Variants in ANKRD11 observed in about 807,000 individuals in gnomAD.
The protein encoded by ANKRD11 is ankyrin repeat domain-containing protein 11.
Under a neutral mutation model 195.7 loss-of-function variants are expected in ANKRD11, and 17 were observed. The ratio of observed to expected loss-of-function variants is 0.09; its 90% CI spans 0.06 to 0.13. The LOEUF is 0.13. Ranked by LOEUF, ANKRD11 falls within the 10% of genes least tolerant of loss-of-function variation. ANKRD11 has a pLI of 1.00. For missense variants in ANKRD11, 3,735 were observed against 3,566.1 expected (o/e 1.05, Z -1.21); for synonymous variants, 1,953 against 1,528.1 (o/e 1.28, Z -6.49).
At chr16:89,479,936 C>T (rs2057387312) in intron 1 of ANKRD11, among the ~76,000 whole-genome samples, 1 of 146,446 alleles carries the variant, frequency 6.8e-6, no homozygotes, top group Non-Finnish European at 1.5e-5. Flanking sequence ...GAGCGAGACT[C>T]CATCTCAAAA....
rs74033733 is a variant in ANKRD11, at chr16:89,280,045, A to T, written c.6497T>A (p.Met2166Lys). 1 of 1,612,880 alleles carries T rather than the reference A, an allele frequency of 6.2e-7. No homozygotes were observed. Among genetic ancestry groups the T allele is most frequent in the African/African-American group, 1.3e-5 (1 of 75,040 alleles). ...TATGACCCCGGGGGCCCCTGGAGGC[A>T]TCTCTTCTGGAGGAGCAAGACTTTC... ...VEESLAPPEEMPPGAPGVING... is the reference protein window; with the variant it reads ...VEESLAPPEEKPPGAPGVING... Residue 2166 changes from methionine to lysine, a missense_variant, in exon 9 of 13, where the codon ATG becomes AAG. Physicochemically the swap from Met to Lys is moderately conservative, Grantham distance 95 (BLOSUM62 -1). Transcript: ENST00000301030.
intron 2 of ANKRD11, among the ~76,000 whole-genome samples, chr16:89,404,489 T>C (rs1318445947): frequency 1.3e-5 from 2 of 152,252 alleles, no homozygotes; most frequent in African/African-American, 4.8e-5. Context: ...TTTGTTATTC[T>C]GGTGTCCTCC....
intron 2 of ANKRD11, chr16:89,373,441 A>ACGCCAGCAC (rs1282515465): frequency 6.6e-6 from 1 of 152,452 alleles, no homozygotes; most frequent in African/African-American, 2.4e-5. Context: ...CTCTCCAGCC[A>ACGCCAGCAC]CGCCAGCACC....
Position 89,274,804 on chromosome 16 carries a change from C to T in ANKRD11, c.7713+10G>A, listed in dbSNP as rs201416489. On this transcript the variant is annotated intron_variant, in intron 11 of 12. Transcript: ENST00000301030. ...TGGACTCATGGGCCTGGCATGCAGA[C>T]GGGCCCTACCTGGCTCTCCAGGGGC... The T allele has an allele frequency of 2.1e-5, 34 of 1,608,726 alleles. No homozygotes were observed. The highest frequency in any genetic ancestry group is 2.1e-4 in the Middle Eastern group (1 of 4,756).
At position 89,276,043 on chromosome 16, in the gene ANKRD11, C is replaced by T. The variant is rs1393819885; in HGVS notation, c.7471-852G>A. ...ACCACTCCCCACAGGTGGACCCACA[C>T]GGTAATGGCAAGGCGGAGCCGGGTG... On this transcript the variant is annotated intron_variant, in intron 9 of 12. Coordinates refer to ENST00000301030, the MANE Select transcript of ANKRD11 (RefSeq NM_013275.6). Among the ~76,000 whole-genome samples, 4 of 152,208 alleles carry T rather than the reference C, an allele frequency of 2.6e-5. No individual in the cohort carries two copies. The East Asian group carries it at 5.8e-4, about 22-fold the overall frequency.
intron 1 of ANKRD11, among the ~76,000 whole-genome samples, chr16:89,436,977 TC>T: frequency 6.6e-6 from 1 of 152,248 alleles, no homozygotes; most frequent in East Asian, 1.9e-4. Flanking sequence ...CAAAGTAGTT[TC>T]CTTTAAACAA....
chr16:89,366,129 CAAAAAAAAAAAA>C lies in ANKRD11; in HGVS notation c.-59-49063_-59-49052del, dbSNP rs71387689. The stretch of plus-strand genomic sequence containing the variant: ...TGGGTGACAAAGTGAGACTCCATCT[CAAAAAAAAAAAA>C]AAAAAAAAAAGACATGATCTCATTC... On this transcript the variant is annotated intron_variant, in intron 2 of 12. Coordinates refer to ENST00000301030, the MANE Select transcript of ANKRD11 (RefSeq NM_013275.6). Among the ~76,000 whole-genome samples the C allele has an allele frequency of 4.4e-3, 263 of 60,444 alleles. 4 individuals carry two copies. Among genetic ancestry groups the C allele is most frequent in the African/African-American group, 0.014 (232 of 16,144 alleles). 39.7% of individuals were successfully genotyped at this position (60,444 alleles called of 152,430 possible).
At chr16:89,432,944 ATCTCTCTCTCTCTCTCTCTCTCTCTC>A (rs56770747) in intron 1 of ANKRD11, among the ~76,000 whole-genome samples, 3 of 108,650 alleles carry the variant, frequency 2.8e-5, no homozygotes, top group East Asian at 2.8e-4. Flanking sequence ...CAGAGACCCT[ATCTCTCTCTCTCTCTCTCTCTCTCTC>A]TCTCTCTCTC....
chr16:89,401,896 C>T (rs981909034), intron 2 of ANKRD11, among the ~76,000 whole-genome samples: 1 of 151,850 alleles, frequency 6.6e-6, no homozygotes, highest in Non-Finnish European at 1.5e-5. Flanking sequence ...ACACCAGAGA[C>T]TCCCCCATCC....
chr16:89,314,184 G>A (rs573604851), intron 3 of ANKRD11, among the ~76,000 whole-genome samples: 12 of 152,236 alleles, frequency 7.9e-5, no homozygotes, highest in Middle Eastern at 3.4e-3. Context: ...TATGGAGGGT[G>A]CAGAAGTTGC....
chr16:89,420,492 A>T (rs1400990210), intron 1 of ANKRD11: 3 of 152,240 alleles, frequency 2.0e-5, no homozygotes, highest in Admixed American at 2.0e-4. Flanking sequence ...TGTATGAAGA[A>T]ACTGGGCCCA....
At chr16:89,427,039 TTCAG>T (rs142242388) in intron 1 of ANKRD11, among the ~76,000 whole-genome samples, 65 of 152,314 alleles carry the variant, frequency 4.3e-4, no homozygotes, top group East Asian at 1.7e-3. Flanking sequence ...CAACAAGGTC[TTCAG>T]TCAGTCAGTC....
chr16:89,372,061 T>A (rs908577568), intron 2 of ANKRD11, among the ~76,000 whole-genome samples: 3 of 151,954 alleles, frequency 2.0e-5, no homozygotes, highest in African/African-American at 7.3e-5. Context: ...AACCAGTGGG[T>A]CCCCAGGTGG....
intron 1 of ANKRD11, among the ~76,000 whole-genome samples, chr16:89,465,176 G>A (rs1413020474): frequency 1.3e-5 from 2 of 152,120 alleles, no homozygotes; most frequent in Admixed American, 6.5e-5. Flanking sequence ...GAGAACATGC[G>A]GCCACAAGGT....
intron 2 of ANKRD11, among the ~76,000 whole-genome samples, chr16:89,349,371 T>C (rs1025208690): frequency 5.9e-5 from 9 of 151,508 alleles, no homozygotes; most frequent in Non-Finnish European, 1.2e-4. Context: ...TCCCAGCTAC[T>C]TGGAAGGCTG....
In ANKRD11 at chr16:89,285,271, T is replaced by C; in HGVS notation, c.1271A>G (p.Glu424Gly). The C allele has an allele frequency of 6.2e-7, 1 of 1,613,916 alleles. No homozygotes were observed. Among genetic ancestry groups the C allele is most frequent in the Non-Finnish European group, 8.5e-7 (1 of 1,180,028 alleles). ...CGTATGTGCCGAGAGTCTCAGCTTC[T>C]CTCCTGTCCCCACGGTGACACTCGC... ...EDASVTVGTG[E>G]KLRLSAHTIL... Residue 424 changes from glutamate to glycine, a missense_variant, in exon 9 of 13, where the codon GAG (glutamate) becomes GGG (glycine). Glu to Gly is a moderately conservative substitution (Grantham distance 98). Transcript: ENST00000301030. The surrounding 1 kb of genome is among the most constrained non-coding windows in gnomAD (Gnocchi z 5.6).
chr16:89,277,266 G>T (rs981529211), intron 9 of ANKRD11, among the ~76,000 whole-genome samples: 1 of 152,100 alleles, frequency 6.6e-6, no homozygotes, highest in Non-Finnish European at 1.5e-5. Context: ...CCCAGGACCC[G>T]GCACCACCCC....
At chr16:89,315,487 C>T (rs2036896041) in intron 3 of ANKRD11, among the ~76,000 whole-genome samples, 1 of 152,218 alleles carries the variant, frequency 6.6e-6, no homozygotes, top group Non-Finnish European at 1.5e-5. Flanking sequence ...CAGCAGGACA[C>T]GCCCATCACG....
At chr16:89,346,112 G>T (rs887456352) in intron 2 of ANKRD11, among the ~76,000 whole-genome samples, 1 of 151,864 alleles carries the variant, frequency 6.6e-6, no homozygotes, top group East Asian at 1.9e-4. Flanking sequence ...AGCCGGGCGT[G>T]GTGCCGGGCG....
Sources: allele counts gnomAD v4.1 joint callset (sites outside exome capture counted in the v4.1 genomes callset), GRCh38; gene constraint gnomAD v4.1.1; non-coding constraint Gnocchi (gnomAD v3.1); transcripts MANE v1.5; gene names NCBI Gene and HGNC (gene_info 2026-07-23, HGNC 2026-07-21).